The following FER variants were observed in gnomAD, a reference collection of about 807,000 sequenced individuals.
The protein encoded by FER is FER tyrosine kinase, also known as tyrosine-protein kinase Fer.
In FER, 63 loss-of-function variants were observed where a neutral mutation model predicts 111.0. The observed-to-expected ratio is 0.57, with a 90% CI of 0.46 to 0.70. The LOEUF is 0.70. Among genes scored for constraint, FER ranks in the 30% least tolerant of loss-of-function variants. FER has a pLI of 0.00. For synonymous variants in FER, 327 were observed against 313.9 expected, an observed-to-expected ratio of 1.04 and a Z score of -0.44; for missense variants, 914 against 954.0, an observed-to-expected ratio of 0.96 and a Z score of 0.55.
rs752984074 is a variant in FER at position 108,897,832 on chromosome 5, G to A, written c.1220G>A (p.Arg407Gln). 4 of 1,611,142 alleles carry A rather than the reference G, an allele frequency of 2.5e-6. No homozygotes were observed. Among genetic ancestry groups the A allele is most frequent in the Non-Finnish European group, 2.5e-6 (3 of 1,178,754 alleles). ...GTAGTAAATTATGAAGAAGATGCAC[G>A]ATCAGTTACATCTATGGTAAGCTAA... is the stretch of plus-strand genomic sequence containing the variant. ...PPVVNYEEDA[R>Q]SVTSMERKER... The change falls in exon 10 of 20, where the codon CGA (arginine) becomes CAA (glutamine). Residue 407 changes from arginine (R) to glutamine (Q), a missense_variant. This residue lies in a region of FER where 774 missense variants were observed against 782.6 expected (regional missense o/e 0.99). Coordinates refer to ENST00000281092, the MANE Select transcript of FER (RefSeq NM_005246.4).
intron 16 of FER, among the ~76,000 whole-genome samples, chr5:109,069,403 T>TAGTTAGTAGGTGG (rs1775507616): frequency 6.6e-6 from 1 of 152,030 alleles, no homozygotes; most frequent in Non-Finnish European, 1.5e-5. Flanking sequence ...GGACAAGAGA[T>TAGTTAGTAGGTGG]CTTTAGAGAG....
intron 17 of FER, among the ~76,000 whole-genome samples, chr5:109,121,356 T>C (rs961129527): frequency 6.6e-6 from 1 of 152,170 alleles, no homozygotes; most frequent in Non-Finnish European, 1.5e-5. Flanking sequence ...AATGATAATA[T>C]GGTTTTTGTC....
At chr5:109,145,245 G>A (rs1753956044) in intron 17 of FER, among the ~76,000 whole-genome samples, 1 of 151,934 alleles carries the variant, frequency 6.6e-6, no homozygotes, top group Admixed American at 6.6e-5. Flanking sequence ...TGAAGAACAA[G>A]GGACTCTCAC....
Position 109,100,402 on chromosome 5 carries a change from A to G in FER, c.1931A>G (p.Asp644Gly). 6.2e-7 allele frequency: 1 copy of G among 1,610,334 alleles called. No homozygotes were observed. Among genetic ancestry groups the G allele is most frequent in the Non-Finnish European group, 8.5e-7 (1 of 1,177,514 alleles). Residue 644 changes from aspartate to glycine, a missense_variant, in exon 17 of 20, where the codon GAT (aspartate) becomes GGT (glycine). Asp to Gly is a moderately conservative substitution (Grantham distance 94). Coordinates refer to ENST00000281092, the MANE Select transcript of FER (RefSeq NM_005246.4). ...CATCTATCAATTCCTCTAGGAGGTG[A>G]TTTCCTCACCTTTCTGAGAAGGAAG... ...YIIMELVSGG[D>G]FLTFLRRKKD...
chr5:108,925,547 G>T (rs777943018), intron 10 of FER, among the ~76,000 whole-genome samples: 119 of 151,992 alleles, frequency 7.8e-4, no homozygotes, highest in Non-Finnish European at 1.3e-3. Flanking sequence ...TTAATTGCCT[G>T]CATTCTCTTG....
chr5:108,854,818 C>G (rs1762841617), intron 5 of FER, among the ~76,000 whole-genome samples: 1 of 151,906 alleles, frequency 6.6e-6, no homozygotes, highest in South Asian at 2.1e-4. Flanking sequence ...GTGGCACACG[C>G]CTATAGTCCC....
At chr5:108,809,449 T>C (rs183701844) in intron 3 of FER, among the ~76,000 whole-genome samples, 2 of 152,388 alleles carry the variant, frequency 1.3e-5, no homozygotes, top group East Asian at 3.9e-4. Flanking sequence ...AAGATGCTGA[T>C]GTATTCCTTC....
intron 5 of FER, among the ~76,000 whole-genome samples, chr5:108,860,363 C>G (rs377277647): frequency 6.6e-6 from 1 of 152,114 alleles, no homozygotes; most frequent in Non-Finnish European, 1.5e-5. Flanking sequence ...AGTTTTCTGC[C>G]ATTTAATCTA....
At chr5:108,879,693 T>TAAAA (rs59305064) in intron 8 of FER, among the ~76,000 whole-genome samples, 13 of 116,638 alleles carry the variant, frequency 1.1e-4, no homozygotes, top group African/African-American at 1.9e-4. Context: ...TTTTTTAGAT[T>TAAAA]AAAAAAAAAT....
chr5:108,953,319 A>G (rs1758006596), intron 11 of FER, among the ~76,000 whole-genome samples: 2 of 152,030 alleles, frequency 1.3e-5, no homozygotes, highest in Non-Finnish European at 2.9e-5. Context: ...GAAATAAAAT[A>G]TATATGTTAA....
At chr5:108,898,058 A>G (rs1749410306) in intron 10 of FER, among the ~76,000 whole-genome samples, 1 of 152,194 alleles carries the variant, frequency 6.6e-6, no homozygotes, top group South Asian at 2.1e-4. Flanking sequence ...GAGTCAGAGG[A>G]AAAAGTTCTT....
At chr5:108,969,306 A>G (rs1431787867) in intron 13 of FER, among the ~76,000 whole-genome samples, 2 of 152,176 alleles carry the variant, frequency 1.3e-5, no homozygotes, top group Non-Finnish European at 2.9e-5. Context: ...GGCTAGTTAA[A>G]TAAATTATAG....
intron 11 of FER, among the ~76,000 whole-genome samples, chr5:108,949,125 A>G (rs1328032043): frequency 6.6e-6 from 1 of 152,080 alleles, no homozygotes; most frequent in Non-Finnish European, 1.5e-5. Context: ...TAGAAACATC[A>G]TTCAGTTATG....
chr5:108,856,804 G>T (rs183688408), intron 5 of FER, among the ~76,000 whole-genome samples: 2 of 151,580 alleles, frequency 1.3e-5, no homozygotes, highest in Admixed American at 6.6e-5. Flanking sequence ...TTAATATTAC[G>T]TGTAGTGGAA....
At chr5:108,937,498 A>T (rs1326013409) in intron 10 of FER, among the ~76,000 whole-genome samples, 1 of 152,026 alleles carries the variant, frequency 6.6e-6, no homozygotes, top group Non-Finnish European at 1.5e-5. Context: ...GTTGAGACAT[A>T]AAAGAGATTA....
At position 108,803,644 on chromosome 5, in the gene FER, A is replaced by ATT. The variant is rs111349692; in HGVS notation, c.207+5266_207+5267dup. Reference sequence around the variant, plus strand: ...AAAGATCAGATGGCTGTAGGTTTGCATTTTTTTTTTTTAATTTCTGTGTTT... The same window carrying ATT: ...AAAGATCAGATGGCTGTAGGTTTGCATTTTTTTTTTTTTTAATTTCTGTGTTT... On this transcript the variant is annotated intron_variant, in intron 3 of 19. Coordinates refer to ENST00000281092, the MANE Select transcript of FER (RefSeq NM_005246.4). 1.8e-3 allele frequency among the ~76,000 whole-genome samples: 262 copies of ATT among 145,126 alleles called. 1 individual carries two copies. The highest frequency in any genetic ancestry group is 5.8e-3 in the African/African-American group (230 of 39,828).
chr5:108,839,577 T>TC (rs1417958060), intron 5 of FER, among the ~76,000 whole-genome samples: 5 of 141,516 alleles, frequency 3.5e-5, no homozygotes, highest in African/African-American at 7.9e-5. Flanking sequence ...ATTTTCTTTT[T>TC]TTTTTTTTTT....
chr5:108,813,667 C>G (rs1298401669), intron 3 of FER, among the ~76,000 whole-genome samples: 2 of 151,982 alleles, frequency 1.3e-5, no homozygotes, highest in Non-Finnish European at 2.9e-5. Flanking sequence ...TAATTTTATC[C>G]ACTGTATTTT....
intron 8 of FER, among the ~76,000 whole-genome samples, chr5:108,873,111 G>T (rs1490611245): frequency 6.6e-6 from 1 of 152,044 alleles, no homozygotes. Context: ...CTCTTGGAAA[G>T]AGGTTTGGAA....
Sources: gnomAD v4.1 joint callset for allele counts (sites outside exome capture counted in the v4.1 genomes callset) on GRCh38, gnomAD v4.1.1 for gene constraint, gnomAD v4.1.1 regional missense constraint, MANE v1.5 for transcripts, NCBI Gene and HGNC (gene_info 2026-07-23, HGNC 2026-07-21) for gene names.